PRDM16: variants seen among roughly 807,000 people sequenced by gnomAD.
The protein encoded by PRDM16 is PR/SET domain 16.
A neutral mutation model predicts 110.6 loss-of-function variants in PRDM16; 23 were observed. The ratio of observed to expected loss-of-function variants is 0.21; its 90% CI spans 0.15 to 0.29. The LOEUF (loss-of-function observed/expected upper bound fraction) is 0.29. PRDM16 is among the 10% of genes least tolerant of loss of function. The pLI, the probability that PRDM16 is intolerant of heterozygous loss-of-function variation, is 1.00. For synonymous variants in PRDM16, 799 were observed against 781.8 expected (o/e 1.02, Z -0.37); for missense variants, 1,615 against 1,794.3 (o/e 0.90, Z 1.81).
chr1:3,263,817 C>T lies in PRDM16; in HGVS notation c.438+19680C>T, dbSNP rs552638716. On this transcript the variant is annotated intron_variant, in intron 3 of 16. Coordinates refer to ENST00000270722, the MANE Select transcript of PRDM16 (RefSeq NM_022114.4). The stretch of plus-strand genomic sequence containing the variant: ...AAGCCTTTGCCACCCATTAGAAAAG[C>T]GACCCCTGGGCAGGTGGCGCAGGTG... Among the ~76,000 whole-genome samples, 33 of 152,204 alleles carry T rather than the reference C, an allele frequency of 2.2e-4. 1 individual carries two copies. Among genetic ancestry groups the T allele is most frequent in the Admixed American group, 2.0e-3 (30 of 15,284 alleles).
intron 1 of PRDM16, among the ~76,000 whole-genome samples, chr1:3,154,173 C>T (rs775845609): frequency 9.9e-5 from 15 of 152,178 alleles, no homozygotes; most frequent in Non-Finnish European, 1.9e-4. Flanking sequence ...GGACCTGCCA[C>T]GGTCGTGCCT....
At position 3,190,145 on chromosome 1, in the gene PRDM16, C is replaced by T. The variant is rs1338158092; in HGVS notation, c.387+3671C>T. On this transcript the variant is annotated intron_variant, in intron 2 of 16. Coordinates refer to ENST00000270722, the MANE Select transcript of PRDM16 (RefSeq NM_022114.4). This position sits in a 1 kb window ranked among gnomAD's most constrained non-coding sequence, Gnocchi z 5.0. ...GGGCGGGCAGCACGTGAGGCACCCA[C>T]GAGCTTTGGGTTCAAGGTCGTGGGG... Among the ~76,000 whole-genome samples the T allele has an allele frequency of 2.0e-5, 3 of 151,960 alleles. No individual in the cohort carries two copies. Among genetic ancestry groups the T allele is most frequent in the Admixed American group, 6.6e-5 (1 of 15,264 alleles).
chr1:3,340,503 A>T (rs189977493), intron 3 of PRDM16, among the ~76,000 whole-genome samples: 1 of 152,198 alleles, frequency 6.6e-6, no homozygotes, highest in African/African-American at 2.4e-5. Context: ...GAGGGAAAAT[A>T]AAACAATTAT....
In PRDM16 at chr1:3,425,638, G is replaced by A; in HGVS notation, c.2997G>A (p.Arg999=). 1 of 1,613,934 alleles carries A rather than the reference G, an allele frequency of 6.2e-7. No individual in the cohort carries two copies. The highest frequency in any genetic ancestry group is 2.2e-5 in the East Asian group (1 of 44,860). ...CTTCGAACCTCCAGCGGCACGTCCG[G>A]AACATCCACAACAAGGAGAAGCCTT... is the stretch of plus-strand genomic sequence containing the variant. ...SISSNLQRHV[R]NIHNKEKPFK... Residue 999 remains arginine, a synonymous_variant, in exon 13 of 17, where the codon CGG becomes CGA. Transcript: ENST00000270722. This position sits in a 1 kb window ranked among gnomAD's most constrained non-coding sequence, Gnocchi z 6.9.
chr1:3,409,234 A>T (rs907557060), intron 8 of PRDM16, among the ~76,000 whole-genome samples: 10 of 150,574 alleles, frequency 6.6e-5, no homozygotes, highest in Non-Finnish European at 1.2e-4. Context: ...TGGGTGTGAG[A>T]GTGTGTGAGT....
rs1643176372 is a variant in PRDM16 at position 3,385,247 on chromosome 1, C to T, written c.534C>T (p.Cys178=). Residue 178 remains cysteine, a synonymous_variant, in exon 4 of 17, where the codon TGC becomes TGT. Coordinates refer to ENST00000270722, the MANE Select transcript of PRDM16 (RefSeq NM_022114.4). ...WLKYIRVACS[C]DDQNLTMCQI... is the part of the protein sequence containing the mutation. ...AGTACATCCGTGTGGCGTGCTCCTG[C>T]GATGACCAGAACCTCACCATGTGTC... 3.7e-6 allele frequency: 6 copies of T among 1,613,570 alleles called. No homozygotes were observed. The highest frequency in any genetic ancestry group is 1.7e-5 in the Admixed American group (1 of 60,014).
At chr1:3,156,579 G>A (rs1643862195) in intron 1 of PRDM16, among the ~76,000 whole-genome samples, 1 of 152,146 alleles carries the variant, frequency 6.6e-6, no homozygotes, top group Non-Finnish European at 1.5e-5. Context: ...TATGCATTTG[G>A]AGGTTTCCCT....
At chr1:3,191,617 C>T (rs1478498790) in intron 2 of PRDM16, among the ~76,000 whole-genome samples, 4 of 152,232 alleles carry the variant, frequency 2.6e-5, no homozygotes, top group Non-Finnish European at 5.9e-5. Flanking sequence ...GGAAGTAAAA[C>T]CTCTTCTGTG....
At chr1:3,366,996 A>G (rs1057218769) in intron 3 of PRDM16, among the ~76,000 whole-genome samples, 6 of 152,208 alleles carry the variant, frequency 3.9e-5, no homozygotes, top group East Asian at 1.9e-4. Flanking sequence ...GGCCGGGCAC[A>G]GTGGCTCACG....
chr1:3,081,828 G>A lies in PRDM16; in HGVS notation c.37+12532G>A, dbSNP rs1642036483. On this transcript the variant is annotated intron_variant, in intron 1 of 16. Coordinates refer to ENST00000270722, the MANE Select transcript of PRDM16 (RefSeq NM_022114.4). The surrounding 1 kb of genome is among the most constrained non-coding windows in gnomAD (Gnocchi z 4.6). ...CAGCAAGGGAGACCACCTCCTTGCT[G>A]CCCTGACTAAACACCAGCTTTGCAA... Among the ~76,000 whole-genome samples, 1 of 152,042 alleles carries A rather than the reference G, an allele frequency of 6.6e-6. No homozygotes were observed. Among genetic ancestry groups the A allele is most frequent in the African/African-American group, 2.4e-5 (1 of 41,422 alleles).
intron 3 of PRDM16, among the ~76,000 whole-genome samples, chr1:3,371,721 C>T (rs1011877009): frequency 6.6e-6 from 1 of 152,230 alleles, no homozygotes; most frequent in Non-Finnish European, 1.5e-5. Context: ...CAGGGCAGGG[C>T]GAGCCAAGGT....
intron 7 of PRDM16, 79 bp downstream of exon 7, chr1:3,404,965 A>C (rs1330644046): frequency 2.7e-6 from 4 of 1,483,838 alleles, no homozygotes; most frequent in Non-Finnish European, 3.6e-6. Context: ...TGCTCCCTAC[A>C]CCCCCTGGTC....
At chr1:3,113,928 A>G (rs1486554432) in intron 1 of PRDM16, among the ~76,000 whole-genome samples, 1 of 152,098 alleles carries the variant, frequency 6.6e-6, no homozygotes, top group Non-Finnish European at 1.5e-5. Context: ...TTTGAGGGAG[A>G]ATTTTTTTCT....
At chr1:3,272,898 C>A (rs559022407) in intron 3 of PRDM16, among the ~76,000 whole-genome samples, 3 of 152,210 alleles carry the variant, frequency 2.0e-5, no homozygotes. Flanking sequence ...TCTGCCACTC[C>A]CCAGCCTGGG....
intron 10 of PRDM16, among the ~76,000 whole-genome samples, chr1:3,415,526 G>T (rs981819646): frequency 6.6e-6 from 1 of 152,378 alleles, no homozygotes; most frequent in South Asian, 2.1e-4. Context: ...CCCCGGGGCC[G>T]TGGAGTTTGG....
Position 3,244,617 on chromosome 1 carries a change from G to T in PRDM16, c.438+480G>T, listed in dbSNP as rs574709900. 5.3e-5 allele frequency among the ~76,000 whole-genome samples: 8 copies of T among 152,264 alleles called. No individual in the cohort carries two copies. The South Asian group carries it at 1.2e-3, about 24-fold the overall frequency. On this transcript the variant is annotated intron_variant, in intron 3 of 16. Transcript: ENST00000270722. The surrounding 1 kb of genome is among the most constrained non-coding windows in gnomAD (Gnocchi z 4.1). Reference sequence around the variant, plus strand: ...CAAAACCACGAGGCGAGAGAAAAAGGGTCCACGTGGCATTATCCACGGCTT... The same window carrying T: ...CAAAACCACGAGGCGAGAGAAAAAGTGTCCACGTGGCATTATCCACGGCTT...
At chr1:3,109,145 C>A (rs953663232) in intron 1 of PRDM16, among the ~76,000 whole-genome samples, 1 of 151,558 alleles carries the variant, frequency 6.6e-6, no homozygotes, top group East Asian at 1.9e-4. Context: ...TTTTGAAAAA[C>A]AGGTGTGTCC....
At chr1:3,171,098 A>G (rs1292944105) in intron 1 of PRDM16, among the ~76,000 whole-genome samples, 1 of 152,164 alleles carries the variant, frequency 6.6e-6, no homozygotes, top group Non-Finnish European at 1.5e-5. Flanking sequence ...TGCACCTTCC[A>G]GACTGACAGT....
At chr1:3,212,667 A>ATCCTACCGGCCCCCTCGCTGCGG in intron 2 of PRDM16, among the ~76,000 whole-genome samples, 1 of 152,036 alleles carries the variant, frequency 6.6e-6, no homozygotes. Flanking sequence ...CCTCCCGCTC[A>ATCCTACCGGCCCCCTCGCTGCGG]TCCTCCCGGC....
Sources: allele counts gnomAD v4.1 joint callset (sites outside exome capture counted in the v4.1 genomes callset), GRCh38; gene constraint gnomAD v4.1.1; non-coding constraint Gnocchi (gnomAD v3.1); transcripts MANE v1.5; gene names NCBI Gene and HGNC (gene_info 2026-07-23, HGNC 2026-07-21).